AK5: variants seen among roughly 807,000 people sequenced by gnomAD.
AK5 encodes the protein adenylate kinase 5.
AK5 carries 27 observed loss-of-function variants against 69.5 expected under a neutral mutation model. The observed-to-expected ratio is 0.39, with a 90% CI of 0.29 to 0.54. The LOEUF is 0.54. Among genes scored for constraint, AK5 ranks in the 20% least tolerant of loss-of-function variants. The pLI, the probability that AK5 is intolerant of heterozygous loss-of-function variation, is 0.71. For synonymous variants in AK5, 260 were observed against 244.4 expected (o/e 1.06, Z -0.60); for missense variants, 531 against 700.4 (o/e 0.76, Z 2.73).
intron 8 of AK5, among the ~76,000 whole-genome samples, chr1:77,465,632 C>T (rs561435093): frequency 6.6e-6 from 1 of 152,206 alleles, no homozygotes; most frequent in Non-Finnish European, 1.5e-5. Context: ...TTTCCTTACA[C>T]CGATGCTTAA....
At chr1:77,486,276 T>G in intron 9 of AK5, 32 bp from the exon 10 acceptor site, 1 of 1,461,708 alleles carries the variant, frequency 6.8e-7, no homozygotes, top group Non-Finnish European at 9.5e-7. Context: ...CAGTTTTTCT[T>G]GCCAATAACT....
intron 10 of AK5, among the ~76,000 whole-genome samples, chr1:77,514,974 C>G (rs1657555557): frequency 1.3e-5 from 2 of 152,216 alleles, no homozygotes; most frequent in Non-Finnish European, 2.9e-5. Context: ...ACCCCTTAGT[C>G]ATTTACCTGG....
At chr1:77,397,693 G>A (rs1648924095) in intron 6 of AK5, among the ~76,000 whole-genome samples, 1 of 152,086 alleles carries the variant, frequency 6.6e-6, no homozygotes, top group Non-Finnish European at 1.5e-5. Context: ...CCAAGAGTTC[G>A]AAACCAGCCT....
chr1:77,439,135 T>A (rs936552563), intron 8 of AK5, among the ~76,000 whole-genome samples: 1 of 151,998 alleles, frequency 6.6e-6, no homozygotes, highest in African/African-American at 2.4e-5. Flanking sequence ...TAATCCTAAA[T>A]AAGAGAGAGA....
intron 8 of AK5, among the ~76,000 whole-genome samples, chr1:77,435,644 C>CAAAA (rs1202203579): frequency 6.1e-5 from 4 of 66,072 alleles, no homozygotes; most frequent in African/African-American, 2.3e-4. Flanking sequence ...GACTCTGTCT[C>CAAAA]AAAAAAAAAA....
At chr1:77,416,768 T>C (rs906108312) in intron 7 of AK5, among the ~76,000 whole-genome samples, 2 of 152,212 alleles carry the variant, frequency 1.3e-5, no homozygotes, top group African/African-American at 2.4e-5. Flanking sequence ...TATGCATTAC[T>C]CATTGGATAT....
chr1:77,515,126 G>A (rs1657561185), intron 10 of AK5, among the ~76,000 whole-genome samples: 1 of 152,174 alleles, frequency 6.6e-6, no homozygotes, highest in South Asian at 2.1e-4. Context: ...CATTATTTTG[G>A]GGAGCCTCCA....
At chr1:77,389,244 G>A (rs1249603255) in intron 6 of AK5, among the ~76,000 whole-genome samples, 2 of 152,142 alleles carry the variant, frequency 1.3e-5, no homozygotes, top group African/African-American at 4.8e-5. Context: ...GACCACATCT[G>A]CCTGAGAAAA....
intron 5 of AK5, among the ~76,000 whole-genome samples, chr1:77,321,079 T>C (rs1490672673): frequency 6.6e-6 from 1 of 152,084 alleles, no homozygotes; most frequent in Admixed American, 6.5e-5. Context: ...TAAAGAACAA[T>C]AGACATGTCT....
Position 77,310,343 on chromosome 1 carries a change from T to G in AK5, c.699+12396T>G, listed in dbSNP as rs532956711. 2.0e-5 allele frequency among the ~76,000 whole-genome samples: 3 copies of G among 152,160 alleles called. No homozygotes were observed. The East Asian group carries it at 5.8e-4, about 29-fold the overall frequency. On this transcript the variant is annotated intron_variant, in intron 5 of 13. Transcript: ENST00000354567. Reference sequence around the variant, plus strand: ...AAGAAATCTAAATTATATCCTGATATCCAAAGAACAATCCCACCCCTTCTG... The same window carrying G: ...AAGAAATCTAAATTATATCCTGATAGCCAAAGAACAATCCCACCCCTTCTG...
chr1:77,522,999 G>A (rs1232981329), intron 12 of AK5, among the ~76,000 whole-genome samples: 1 of 152,142 alleles, frequency 6.6e-6, no homozygotes, highest in Non-Finnish European at 1.5e-5. Flanking sequence ...CACAGCTGGT[G>A]ACAACTTACT....
At chr1:77,429,853 G>A (rs576890060) in intron 8 of AK5, among the ~76,000 whole-genome samples, 1 of 152,240 alleles carries the variant, frequency 6.6e-6, no homozygotes, top group Admixed American at 6.5e-5. Flanking sequence ...AGAAAGGGAT[G>A]TTCAAAAAGA....
intron 8 of AK5, among the ~76,000 whole-genome samples, chr1:77,428,446 G>A (rs1343228028): frequency 6.6e-6 from 1 of 152,098 alleles, no homozygotes; most frequent in African/African-American, 2.4e-5. Flanking sequence ...TTTTCCCATA[G>A]GATGAAAAAC....
At chr1:77,517,884 T>C (rs901546151) in intron 10 of AK5, among the ~76,000 whole-genome samples, 1 of 152,168 alleles carries the variant, frequency 6.6e-6, no homozygotes. Context: ...ATTGAGTCAA[T>C]TGGGACAATT....
At position 77,323,038 on chromosome 1, in the gene AK5, A is replaced by C. The variant is rs553766553; in HGVS notation, c.700-17339A>C. 3.3e-5 allele frequency among the ~76,000 whole-genome samples: 5 copies of C among 150,964 alleles called. No homozygotes were observed. In the South Asian group the frequency reaches 1.0e-3, roughly 32 times the overall value. On this transcript the variant is annotated intron_variant, in intron 5 of 13. Transcript: ENST00000354567. ...AATTTCGCTCTGTCACCCAGGCTGG[A>C]GTCCAGTGGCACAATCTCGGCTCAT...
At chr1:77,327,032 T>C (rs1223426750) in intron 5 of AK5, among the ~76,000 whole-genome samples, 3 of 152,102 alleles carry the variant, frequency 2.0e-5, no homozygotes, top group Non-Finnish European at 4.4e-5. Context: ...CTATAGTCAA[T>C]ATCATGAATT....
At chr1:77,546,371 C>T (rs1659544477) in intron 13 of AK5, among the ~76,000 whole-genome samples, 1 of 152,184 alleles carries the variant, frequency 6.6e-6, no homozygotes, top group South Asian at 2.1e-4. Context: ...TTGACATGCT[C>T]AGCAGACATT....
intron 5 of AK5, among the ~76,000 whole-genome samples, chr1:77,322,138 G>A (rs1322683919): frequency 6.6e-6 from 1 of 152,134 alleles, no homozygotes; most frequent in Non-Finnish European, 1.5e-5. Flanking sequence ...ATGGGTATTT[G>A]TCCAAATACG....
chr1:77,297,745 A>G lies in AK5; in HGVS notation c.585+17A>G, dbSNP rs1269577019. On this transcript the variant is annotated intron_variant, in intron 4 of 13. Coordinates refer to ENST00000354567, the MANE Select transcript of AK5 (RefSeq NM_174858.3). Reference sequence around the variant, plus strand: ...GCCCCACAGGTACTGCTGTATAATTATCTTTTATTCTGCAAAATGTTTTCA... The same window carrying G: ...GCCCCACAGGTACTGCTGTATAATTGTCTTTTATTCTGCAAAATGTTTTCA... 5 of 1,607,156 alleles carry G rather than the reference A, an allele frequency of 3.1e-6. No individual in the cohort carries two copies. In the Admixed American group the frequency reaches 5.1e-5, roughly 16 times the overall value.
Sources: gnomAD v4.1 joint callset for allele counts (sites outside exome capture counted in the v4.1 genomes callset) on GRCh38, gnomAD v4.1.1 for gene constraint, MANE v1.5 for transcripts, NCBI Gene and HGNC (gene_info 2026-07-23, HGNC 2026-07-21) for gene names.